SCFD2: variants seen among roughly 807,000 people sequenced by gnomAD.
The protein encoded by SCFD2 is sec1 family domain containing 2.
SCFD2 carries 54 observed loss-of-function variants against 58.9 expected under a neutral mutation model. The observed-to-expected ratio is 0.92, with a 90% CI of 0.74 to 1.15. The LOEUF (loss-of-function observed/expected upper bound fraction) is 1.15, where lower values mean the gene tolerates loss of function less well. SCFD2 is among the 50% of genes most tolerant of loss of function. The probability of loss-of-function intolerance (pLI) is 0.00; values close to 1 mark genes in which losing one functional copy is unlikely to be tolerated. For missense variants in SCFD2, 805 were observed against 836.6 expected (o/e 0.96, Z 0.47); for synonymous variants, 321 against 335.9 (o/e 0.96, Z 0.49).
At chr4:52,899,518 T>C (rs188679986) in intron 7 of SCFD2, among the ~76,000 whole-genome samples, 2 of 152,192 alleles carry the variant, frequency 1.3e-5, no homozygotes, top group Non-Finnish European at 2.9e-5. Flanking sequence ...CGGAGAGATC[T>C]GCTGTTAGTC....
At chr4:52,965,401 A>C (rs1459824903) in intron 5 of SCFD2, among the ~76,000 whole-genome samples, 2 of 151,964 alleles carry the variant, frequency 1.3e-5, no homozygotes, top group African/African-American at 4.8e-5. Flanking sequence ...CATTTCCCCC[A>C]GCGGCTGAGC....
In SCFD2 at chr4:53,273,928, A is replaced by G. The variant is rs1731253599; in HGVS notation, c.1209T>C (p.His403=). The change falls in exon 4 of 9, where the codon CAT becomes CAC. Residue 403 remains histidine, a synonymous_variant. Coordinates refer to ENST00000401642, the MANE Select transcript of SCFD2 (RefSeq NM_152540.4). ...CCAGTCCAAGCTGGAGGAGGCCACA[A>G]TGATTCATTAGAGCTTTGAGGTTGT... is the stretch of plus-strand genomic sequence containing the variant. The part of the protein sequence containing the change: ...FKNNLKALMN[H]CGLLQLGLAT... 11 of 1,613,926 alleles carry G rather than the reference A, an allele frequency of 6.8e-6. No individual in the cohort carries two copies. The highest frequency in any genetic ancestry group is 1.1e-5 in the South Asian group (1 of 91,022).
rs185208309 is a variant in SCFD2, at chr4:52,936,079, C to T, written c.1562-15209G>A. ...CTCAAACTCCCGACCTCAGATGATC[C>T]GCCTGCCTCATCCTCCCAAAGTGCT... On this transcript the variant is annotated intron_variant, in intron 5 of 8. Transcript: ENST00000401642. Among the ~76,000 whole-genome samples, 466 of 152,190 alleles carry T rather than the reference C, an allele frequency of 3.1e-3. 3 individuals are homozygous for T. The highest frequency in any genetic ancestry group is 0.01 in the African/African-American group (431 of 41,526).
intron 4 of SCFD2, among the ~76,000 whole-genome samples, chr4:53,204,702 A>ACT (rs1313778540): frequency 6.8e-6 from 1 of 147,136 alleles, no homozygotes; most frequent in African/African-American, 2.5e-5. Flanking sequence ...ATACTGAAAG[A>ACT]GTACCCAGCA....
At chr4:53,276,586 GTTA>G (rs1731335591) in intron 3 of SCFD2, among the ~76,000 whole-genome samples, 1 of 152,040 alleles carries the variant, frequency 6.6e-6, no homozygotes, top group South Asian at 2.1e-4. Flanking sequence ...GTACCCAATA[GTTA>G]TTTTTTCTGA....
chr4:53,134,926 T>C (rs1725893463), intron 5 of SCFD2, among the ~76,000 whole-genome samples: 2 of 152,174 alleles, frequency 1.3e-5, no homozygotes, highest in Admixed American at 1.3e-4. Flanking sequence ...AAACTGCCTC[T>C]CAGCCTTTTC....
At chr4:53,065,083 A>G (rs1723618965) in intron 5 of SCFD2, among the ~76,000 whole-genome samples, 1 of 152,130 alleles carries the variant, frequency 6.6e-6, no homozygotes, top group Non-Finnish European at 1.5e-5. Flanking sequence ...AAAAATATAG[A>G]AAGTAGACAG....
chr4:53,291,756 A>T (rs963563160), intron 3 of SCFD2, among the ~76,000 whole-genome samples: 3 of 152,208 alleles, frequency 2.0e-5, no homozygotes, highest in African/African-American at 7.2e-5. Flanking sequence ...TAACCAAAAC[A>T]GCATGGTACT....
intron 6 of SCFD2, among the ~76,000 whole-genome samples, chr4:52,913,095 C>T (rs986205980): frequency 1.5e-4 from 23 of 152,078 alleles, no homozygotes; most frequent in Non-Finnish European, 3.4e-4. Context: ...TCTTGCTGGT[C>T]ATTTATTTAT....
chr4:52,973,284 A>T (rs1449931566), intron 5 of SCFD2, among the ~76,000 whole-genome samples: 1 of 152,220 alleles, frequency 6.6e-6, no homozygotes, highest in Non-Finnish European at 1.5e-5. Flanking sequence ...ATACTAATAA[A>T]GAAGAAAAGA....
chr4:52,951,797 G>A (rs1720600372), intron 5 of SCFD2, among the ~76,000 whole-genome samples: 2 of 152,200 alleles, frequency 1.3e-5, no homozygotes. Context: ...GAGAAAGTAT[G>A]TGAAACACAA....
At chr4:53,004,607 G>A (rs976098911) in intron 5 of SCFD2, among the ~76,000 whole-genome samples, 6 of 152,206 alleles carry the variant, frequency 3.9e-5, no homozygotes, top group Admixed American at 3.3e-4. Flanking sequence ...AGTAGTAAGT[G>A]GTAGAGTTAG....
intron 5 of SCFD2, chr4:52,950,350 G>A (rs1196168123): frequency 1.3e-5 from 2 of 152,214 alleles, no homozygotes; most frequent in African/African-American, 4.8e-5. Context: ...GGGGTGGAAG[G>A]AGAGGAGAGC....
chr4:53,256,481 G>A (rs762517959), intron 4 of SCFD2, among the ~76,000 whole-genome samples: 49 of 151,838 alleles, frequency 3.2e-4, no homozygotes, highest in Non-Finnish European at 6.3e-4. Context: ...ACGGGGTGGC[G>A]GCCGGGCAGA....
At chr4:52,974,467 A>T (rs937536268) in intron 5 of SCFD2, among the ~76,000 whole-genome samples, 4 of 152,188 alleles carry the variant, frequency 2.6e-5, no homozygotes, top group Non-Finnish European at 4.4e-5. Context: ...TACAAGGGAC[A>T]TGAAGGACCT....
intron 3 of SCFD2, among the ~76,000 whole-genome samples, chr4:53,283,743 A>AT (rs1312928558): frequency 6.6e-6 from 1 of 150,988 alleles, no homozygotes; most frequent in African/African-American, 2.4e-5. Flanking sequence ...TAATTTTTGT[A>AT]TTTTTTTTCT....
At chr4:52,905,746 G>A (rs1221408766) in intron 7 of SCFD2, among the ~76,000 whole-genome samples, 1 of 152,094 alleles carries the variant, frequency 6.6e-6, no homozygotes, top group South Asian at 2.1e-4. Flanking sequence ...GGACAGTGGA[G>A]CAGGAAGAGA....
At chr4:53,106,992 C>T (rs1725022598) in intron 5 of SCFD2, among the ~76,000 whole-genome samples, 1 of 152,134 alleles carries the variant, frequency 6.6e-6, no homozygotes, top group Non-Finnish European at 1.5e-5. Context: ...TCGGGTTACC[C>T]ACAAAGGGAA....
At chr4:53,010,708 T>C (rs1228983197) in intron 5 of SCFD2, among the ~76,000 whole-genome samples, 2 of 152,136 alleles carry the variant, frequency 1.3e-5, no homozygotes, top group Non-Finnish European at 2.9e-5. Context: ...ACATCTTAGG[T>C]ATGGTATTGG....
Sources: allele counts gnomAD v4.1 joint callset (sites outside exome capture counted in the v4.1 genomes callset), GRCh38; gene constraint gnomAD v4.1.1; transcripts MANE v1.5; gene names NCBI Gene and HGNC (gene_info 2026-07-23, HGNC 2026-07-21).